The following MLIP variants were observed in gnomAD, a reference collection of about 807,000 sequenced individuals.
MLIP encodes muscular LMNA-interacting protein.
MLIP carries 79 observed loss-of-function variants against 84.8 expected under a neutral mutation model. The ratio of observed to expected loss-of-function variants is 0.93; its 90% CI spans 0.78 to 1.12. The LOEUF (loss-of-function observed/expected upper bound fraction) is 1.12. Among genes scored for constraint, MLIP ranks in the 50% most tolerant of loss-of-function variants. MLIP has a pLI of 0.00. For missense variants in MLIP, 1,257 were observed against 1,160.6 expected, an observed-to-expected ratio of 1.08 and a Z score of -1.21; for synonymous variants, 504 against 463.0, an observed-to-expected ratio of 1.09 and a Z score of -1.14.
chr6:54,204,653 T>A (rs938025222), intron 11 of MLIP, among the ~76,000 whole-genome samples: 2 of 152,256 alleles, frequency 1.3e-5, no homozygotes. Context: ...TACTGTCTAC[T>A]GAAATGATAA....
chr6:54,239,400 CACAT>C (rs1467053016), intron 12 of MLIP, among the ~76,000 whole-genome samples: 2 of 142,928 alleles, frequency 1.4e-5, no homozygotes, highest in African/African-American at 5.6e-5. Context: ...TATACACACA[CACAT>C]ACACATATAT....
chr6:54,145,634 G>A (rs984067781), intron 4 of MLIP, among the ~76,000 whole-genome samples: 3 of 151,930 alleles, frequency 2.0e-5, no homozygotes, highest in African/African-American at 7.3e-5. Context: ...AAATTAGCTG[G>A]GTATGCTGCC....
At chr6:54,056,002 A>AT (rs1262024563) in intron 1 of MLIP, among the ~76,000 whole-genome samples, 1 of 152,090 alleles carries the variant, frequency 6.6e-6, no homozygotes, top group East Asian at 1.9e-4. Context: ...ATATTTATAT[A>AT]TTTTTTTAAT....
At chr6:54,248,785 T>G (rs1204828240) in intron 12 of MLIP, among the ~76,000 whole-genome samples, 2 of 152,112 alleles carry the variant, frequency 1.3e-5, no homozygotes, top group Non-Finnish European at 2.9e-5. Context: ...GTTTTCTTAT[T>G]AGTATTCTTA....
intron 9 of MLIP, among the ~76,000 whole-genome samples, chr6:54,181,411 C>A (rs1309435728): frequency 7.0e-6 from 1 of 141,986 alleles, no homozygotes; most frequent in African/African-American, 2.6e-5. Flanking sequence ...ACCCTTCAGG[C>A]AATGGGCTCC....
intron 11 of MLIP, chr6:54,217,677 A>G (rs1401595668): frequency 8.1e-6 from 8 of 983,842 alleles, no homozygotes; most frequent in South Asian, 9.4e-5. Context: ...CATTAGTTCT[A>G]TGTATACTGA....
At chr6:54,055,784 A>C (rs567904590) in intron 1 of MLIP, among the ~76,000 whole-genome samples, 1 of 152,300 alleles carries the variant, frequency 6.6e-6, no homozygotes, top group East Asian at 1.9e-4. Context: ...GACATTTATA[A>C]TAAGGTGATC....
chr6:54,083,095 G>C (rs1767267708), intron 1 of MLIP, among the ~76,000 whole-genome samples: 1 of 152,060 alleles, frequency 6.6e-6, no homozygotes, highest in South Asian at 2.1e-4. Context: ...GAGAGTACCA[G>C]TTAATTTAAT....
At chr6:54,155,288 A>G (rs1773900158) in intron 5 of MLIP, among the ~76,000 whole-genome samples, 1 of 152,148 alleles carries the variant, frequency 6.6e-6, no homozygotes, top group African/African-American at 2.4e-5. Context: ...TTTTCTAACA[A>G]TATCTACTAT....
At chr6:54,252,539 A>T (rs1782709820) in intron 12 of MLIP, among the ~76,000 whole-genome samples, 1 of 144,978 alleles carries the variant, frequency 6.9e-6, no homozygotes, top group Non-Finnish European at 1.5e-5. Context: ...ATAGATAATG[A>T]TAATAAATAT....
chr6:54,160,492 A>C (rs752316753), intron 6 of MLIP, 24 bp from the exon 7 acceptor site: 2 of 1,611,786 alleles, frequency 1.2e-6, no homozygotes, highest in East Asian at 4.5e-5. Context: ...TTGCTAACCC[A>C]GTACCTGGTT....
At chr6:54,235,239 A>T (rs1229011420) in intron 12 of MLIP, among the ~76,000 whole-genome samples, 1 of 152,096 alleles carries the variant, frequency 6.6e-6, no homozygotes, top group African/African-American at 2.4e-5. Flanking sequence ...TACTTTACTT[A>T]AACTGATTTT....
intron 12 of MLIP, among the ~76,000 whole-genome samples, chr6:54,250,061 C>T (rs1782361588): frequency 1.3e-5 from 2 of 151,986 alleles, no homozygotes; most frequent in Admixed American, 6.6e-5. Flanking sequence ...GTTGTCTGTT[C>T]CTGTGTTATT....
chr6:54,254,945 C>A lies in MLIP; in HGVS notation c.2923-2363C>A, dbSNP rs55888793. ...GTGTCCCCTACTTAAAGTACTTGAA[C>A]GACTTCTCACTGCCTAAGATAATTA... On this transcript the variant is annotated intron_variant, in intron 12 of 13. Transcript: ENST00000502396. Among the ~76,000 whole-genome samples the A allele has an allele frequency of 2.7e-3, 411 of 152,034 alleles. 6 individuals are homozygous for A. The highest frequency in any genetic ancestry group is 0.015 in the East Asian group (78 of 5,152).
rs764075337 is a variant in MLIP, at chr6:54,121,482, C to A, written c.132C>A (p.Ile44=). 55 of 1,614,012 alleles carry A rather than the reference C, an allele frequency of 3.4e-5. 2 individuals carry two copies. The Middle Eastern group carries it at 6.6e-3, about 193-fold the overall frequency. ...GTGGTTCTGAAGCCAAACCTCTGATCTTCACATTTGTCCCCACTGTCAGAA... is the reference window on the plus strand; with the variant it reads ...GTGGTTCTGAAGCCAAACCTCTGATATTCACATTTGTCCCCACTGTCAGAA... ...SAGGSEAKPL[I]FTFVPTVRRL... is the part of the protein sequence containing the mutation. The change falls in exon 2 of 14, where the codon ATC becomes ATA. Residue 44 remains isoleucine, a synonymous_variant. Transcript: ENST00000502396.
At chr6:54,184,936 G>A (rs1451873944) in intron 9 of MLIP, among the ~76,000 whole-genome samples, 1 of 152,130 alleles carries the variant, frequency 6.6e-6, no homozygotes, top group African/African-American at 2.4e-5. Flanking sequence ...TAAAACTGGA[G>A]CGATATGAAT....
intron 1 of MLIP, among the ~76,000 whole-genome samples, chr6:54,021,113 A>G (rs558739269): frequency 1.3e-5 from 2 of 152,332 alleles, no homozygotes; most frequent in East Asian, 3.9e-4. Flanking sequence ...CAAAAACTTC[A>G]GTTCATCGAG....
intron 12 of MLIP, among the ~76,000 whole-genome samples, chr6:54,254,936 G>A (rs966993518): frequency 6.6e-6 from 1 of 151,920 alleles, no homozygotes; most frequent in African/African-American, 2.4e-5. Context: ...CCTACTTAAA[G>A]TACTTGAACG....
At chr6:54,190,834 C>CA (rs1562038626) in intron 10 of MLIP, among the ~76,000 whole-genome samples, 3 of 144,620 alleles carry the variant, frequency 2.1e-5, no homozygotes, top group African/African-American at 7.8e-5. Context: ...CTCGCTCTGT[C>CA]GGCGAGGCTA....
Sources: allele counts gnomAD v4.1 joint callset (sites outside exome capture counted in the v4.1 genomes callset), GRCh38; gene constraint gnomAD v4.1.1; transcripts MANE v1.5; gene names NCBI Gene and HGNC (gene_info 2026-07-23, HGNC 2026-07-21).